The following LOXHD1 variants were observed in gnomAD, a reference collection of about 807,000 sequenced individuals.
LOXHD1 encodes the protein lipoxygenase homology domain-containing protein 1.
A neutral mutation model predicts 248.2 loss-of-function variants in LOXHD1; 205 were observed. That is an observed-to-expected ratio of 0.83 (90% CI 0.74 to 0.93). LOXHD1 has a LOEUF of 0.93. LOXHD1 is among the 40% of genes least tolerant of loss of function. The probability of loss-of-function intolerance (pLI) is 0.00; values close to 1 mark genes in which losing one functional copy is unlikely to be tolerated. For synonymous variants in LOXHD1, 1,113 were observed against 1,162.8 expected, an observed-to-expected ratio of 0.96 and a Z score of 0.87; for missense variants, 2,930 against 2,971.6, an observed-to-expected ratio of 0.99 and a Z score of 0.33.
intron 4 of LOXHD1, among the ~76,000 whole-genome samples, chr18:46,632,940 C>T (rs2038846063): frequency 6.6e-6 from 1 of 152,174 alleles, no homozygotes; most frequent in Non-Finnish European, 1.5e-5. Flanking sequence ...GGCGCCCACT[C>T]CTACTGATTC....
chr18:46,486,693 T>A (rs2033078965), intron 38 of LOXHD1, among the ~76,000 whole-genome samples: 1 of 152,018 alleles, frequency 6.6e-6, no homozygotes, highest in Non-Finnish European at 1.5e-5. Context: ...TCAGAATCAG[T>A]GAGGGAGGCA....
intron 11 of LOXHD1, among the ~76,000 whole-genome samples, chr18:46,592,279 G>A (rs1464048316): frequency 2.6e-5 from 4 of 151,948 alleles, no homozygotes; most frequent in Admixed American, 6.5e-5. Context: ...CAGAATGCAA[G>A]CCCCCCAAAC....
chr18:46,507,432 G>T, intron 36 of LOXHD1, 106 bp downstream of exon 36: 1 of 1,261,212 alleles, frequency 7.9e-7, no homozygotes, highest in Non-Finnish European at 1.1e-6. Context: ...CTAGATTTTG[G>T]AAGGCCTTAT....
chr18:46,513,214 A>G (rs981854754), intron 34 of LOXHD1, among the ~76,000 whole-genome samples: 1 of 152,228 alleles, frequency 6.6e-6, no homozygotes, highest in African/African-American at 2.4e-5. Context: ...TGTTCATGAT[A>G]AAATGTTTAA....
At position 46,639,566 on chromosome 18, in the gene LOXHD1, G is replaced by A. The variant is rs749932726; in HGVS notation, c.511+50C>T. The A allele has an allele frequency of 1.9e-5, 29 of 1,517,366 alleles. No individual in the cohort carries two copies. In the South Asian group the frequency reaches 3.7e-4, roughly 19 times the overall value. The allele number at this position is 1,517,366 out of a possible 1,614,324, so 94.0% of individuals were successfully genotyped here. On this transcript the variant is annotated intron_variant, in intron 4 of 40. Transcript: ENST00000642948. ...ACAGGCACGATTCTTTCCTGGGTGAGCCCAGCCCAGCTAGGGAGGGATGGC... is the reference window on the plus strand; with the variant it reads ...ACAGGCACGATTCTTTCCTGGGTGAACCCAGCCCAGCTAGGGAGGGATGGC...
chr18:46,548,758 C>T lies in LOXHD1; in HGVS notation c.3351-1700G>A, dbSNP rs529053162. 5.3e-5 allele frequency among the ~76,000 whole-genome samples: 8 copies of T among 152,140 alleles called. No homozygotes were observed. In the South Asian group the frequency reaches 1.5e-3, roughly 28 times the overall value. ...CAGAGGACAAGGACAGAACGAGACA[C>T]ACACAAAGAAAGAGCCAGGGAGGGA... On this transcript the variant is annotated intron_variant, in intron 21 of 40. Transcript: ENST00000642948.
At chr18:46,521,602 G>A (rs972100678) in intron 32 of LOXHD1, among the ~76,000 whole-genome samples, 1 of 152,196 alleles carries the variant, frequency 6.6e-6, no homozygotes, top group African/African-American at 2.4e-5. Context: ...AGGGCCTCAT[G>A]GTGGGGAATG....
At chr18:46,479,015 C>A (rs2032295854) in intron 40 of LOXHD1, among the ~76,000 whole-genome samples, 1 of 152,092 alleles carries the variant, frequency 6.6e-6, no homozygotes, top group Admixed American at 6.6e-5. Flanking sequence ...CCTTTCTCAC[C>A]TGTCACCTGC....
rs2038182028 is a variant in LOXHD1 at position 46,592,145 on chromosome 18, T to C, written c.1519-77A>G. 2.7e-5 allele frequency: 41 copies of C among 1,524,328 alleles called. No individual in the cohort carries two copies. In the South Asian group the frequency reaches 4.7e-4, roughly 17 times the overall value. The allele number at this position is 1,524,328 out of a possible 1,614,324, so 94.4% of individuals were successfully genotyped here. The stretch of plus-strand genomic sequence containing the variant: ...ATGCCCTGCAGTCCCCATTCTGCTA[T>C]CTCATTGCAGAGAAGCCAAGGCTAT... On this transcript the variant is annotated intron_variant, in intron 11 of 40. Transcript: ENST00000642948.
rs191857129 is a variant in LOXHD1 at position 46,630,581 on chromosome 18, C to T, written c.511+9035G>A. Among the ~76,000 whole-genome samples, 405 of 152,344 alleles carry T rather than the reference C, an allele frequency of 2.7e-3. 3 individuals carry two copies. Among genetic ancestry groups the T allele is most frequent in the African/African-American group, 9.0e-3 (375 of 41,578 alleles). ...CAGGCCTTGCCTAACTCAGATGTCT[C>T]GCCCAACCTCATTCTTCAATACTGC... On this transcript the variant is annotated intron_variant, in intron 4 of 40. Transcript: ENST00000642948.
intron 37 of LOXHD1, among the ~76,000 whole-genome samples, chr18:46,489,666 A>G (rs1568082582): frequency 6.6e-6 from 1 of 152,278 alleles, no homozygotes; most frequent in East Asian, 1.9e-4. Context: ...CTAGGCCTGC[A>G]TCAGGTGTTC....
chr18:46,545,453 G>T (rs2036760011), intron 22 of LOXHD1, 32 bp from the exon 23 acceptor site: 1 of 1,477,774 alleles, frequency 6.8e-7, no homozygotes, highest in Non-Finnish European at 9.3e-7. Flanking sequence ...GCAATGAATT[G>T]TAGACTGTTC....
chr18:46,560,048 T>TGGCGA, intron 19 of LOXHD1, 35 bp downstream of exon 19: 1 of 1,226,298 alleles, frequency 8.2e-7, no homozygotes, highest in Non-Finnish European at 1.1e-6. Context: ...GTCTGGCCAC[T>TGGCGA]CCCTCCCCAC....
At chr18:46,588,481 C>T (rs947832701) in intron 12 of LOXHD1, among the ~76,000 whole-genome samples, 10 of 152,240 alleles carry the variant, frequency 6.6e-5, no homozygotes, top group African/African-American at 1.7e-4. Flanking sequence ...AAAATGTGTA[C>T]GAGCACATTT....
At chr18:46,569,373 T>G in intron 16 of LOXHD1, 69 bp downstream of exon 16, 1 of 1,279,510 alleles carries the variant, frequency 7.8e-7, no homozygotes, top group Non-Finnish European at 1.1e-6. Context: ...TATGTGTGTG[T>G]GGACACGTGT....
rs1170074111 is a variant in LOXHD1, at chr18:46,656,884, C to G, written c.130+20G>C. On this transcript the variant is annotated intron_variant, in intron 1 of 40. Coordinates refer to ENST00000642948, the MANE Select transcript of LOXHD1 (RefSeq NM_001384474.1). ...GCAGCCAGCTGCACCACCCGCCCCC[C>G]GCAGGCTGGGACCCCGCACCTCTGG... 7 of 1,549,946 alleles carry G rather than the reference C, an allele frequency of 4.5e-6. No individual in the cohort carries two copies. The highest frequency in any genetic ancestry group is 4.4e-6 in the Non-Finnish European group (5 of 1,145,628).
At chr18:46,494,692 T>G (rs779968997) in intron 37 of LOXHD1, among the ~76,000 whole-genome samples, 3 of 152,168 alleles carry the variant, frequency 2.0e-5, no homozygotes, top group Non-Finnish European at 4.4e-5. Context: ...CTCAGTATCC[T>G]CACTTGTACA....
intron 39 of LOXHD1, among the ~76,000 whole-genome samples, chr18:46,484,695 G>T (rs1193516489): frequency 6.6e-6 from 1 of 152,202 alleles, no homozygotes; most frequent in Non-Finnish European, 1.5e-5. Context: ...AGGAGATGAA[G>T]TGGGCATCCG....
At chr18:46,485,234 C>T (rs573253382) in intron 38 of LOXHD1, 83 bp from the exon 39 acceptor site, 20 of 1,475,532 alleles carry the variant, frequency 1.4e-5, no homozygotes, top group East Asian at 5.0e-5. Flanking sequence ...TCACGGCCTC[C>T]GGTCCTTCAT....
Sources: gnomAD v4.1 joint callset for allele counts (sites outside exome capture counted in the v4.1 genomes callset) on GRCh38, gnomAD v4.1.1 for gene constraint, MANE v1.5 for transcripts, NCBI Gene and HGNC (gene_info 2026-07-23, HGNC 2026-07-21) for gene names.